NAMPT: variants seen among roughly 807,000 people sequenced by gnomAD.
The protein encoded by NAMPT is NAmPRTase.
In NAMPT, 7 loss-of-function variants were observed where a neutral mutation model predicts 58.7. That is an observed-to-expected ratio of 0.12 (90% CI 0.07 to 0.22). The LOEUF (loss-of-function observed/expected upper bound fraction) is 0.22. NAMPT is among the 10% of genes least tolerant of loss of function. The pLI is 1.00. For synonymous variants in NAMPT, 145 were observed against 198.1 expected (o/e 0.73, Z 2.25); for missense variants, 271 against 567.9 (o/e 0.48, Z 5.31).
chr7:106,268,365 C>T (rs766573145), intron 6 of NAMPT, 99 bp downstream of exon 6: 7 of 1,037,632 alleles, frequency 6.7e-6, no homozygotes, highest in Non-Finnish European at 9.9e-6. Context: ...TGAAGATGTA[C>T]TGTAGGTACC....
intron 6 of NAMPT, among the ~76,000 whole-genome samples, chr7:106,264,881 G>T (rs1160973417): frequency 6.6e-6 from 1 of 151,076 alleles, no homozygotes; most frequent in African/African-American, 2.4e-5. Context: ...ATGTGTGTGT[G>T]TGTTTTTTTT....
In NAMPT at chr7:106,254,226, G is replaced by C; in HGVS notation, c.1230+138C>G. ...ATATCTCCCTTCTTTCCTTGTTTCT[G>C]AGTTAAGGTCAGTAGTACCCAACAA... On this transcript the variant is annotated intron_variant, in intron 9 of 10. Coordinates refer to ENST00000222553, the MANE Select transcript of NAMPT (RefSeq NM_005746.3). The C allele has an allele frequency of 3.5e-6, 3 of 846,698 alleles. No individual in the cohort carries two copies. In the South Asian group the frequency reaches 5.7e-5, roughly 16 times the overall value. The allele number at this position is 846,698 out of a possible 1,614,324, so 52.4% of individuals were successfully genotyped here. A position where few individuals can be genotyped will look rare whatever the true frequency, so the allele number is the denominator to read the frequency against.
chr7:106,273,457 T>G (rs1389635528), intron 3 of NAMPT, among the ~76,000 whole-genome samples: 2 of 152,198 alleles, frequency 1.3e-5, no homozygotes, highest in Non-Finnish European at 2.9e-5. Context: ...ATACAAGCAC[T>G]GGAGGCACAG....
chr7:106,269,173 C>G lies in NAMPT; in HGVS notation c.587G>C (p.Arg196Thr). Residue 196 changes from arginine (R) to threonine (T), a missense_variant, in exon 5 of 11, where the codon AGA (arginine) becomes ACA (threonine). Physicochemically the swap from Arg to Thr is moderately conservative, Grantham distance 71 (BLOSUM62 -1). Around this residue, in one of 4 missense-constraint regions of NAMPT, gnomAD observed 2 missense variants for 26.2 expected, o/e 0.08. Transcript: ENST00000222553. ...ACTTACCTCTTGGGAAGAGACTCCT[C>G]TGTAGCCAAAATCATGTAACTTGTA... is the stretch of plus-strand genomic sequence containing the variant. ...LEYKLHDFGYRGVSSQETAGI... is the reference protein window; with the variant it reads ...LEYKLHDFGYTGVSSQETAGI... The G allele has an allele frequency of 6.2e-7, 1 of 1,611,528 alleles. No homozygotes were observed. The highest frequency in any genetic ancestry group is 8.5e-7 in the Non-Finnish European group (1 of 1,179,028).
chr7:106,285,140 C>T (rs979157128), upstream of NAMPT: 8 of 1,279,848 alleles, frequency 6.3e-6, no homozygotes, highest in African/African-American at 1.2e-4. Flanking sequence ...CTCGGTTCCC[C>T]CGCCTTCACC....
intron 8 of NAMPT, among the ~76,000 whole-genome samples, chr7:106,255,236 T>C (rs950922157): frequency 6.6e-6 from 1 of 152,192 alleles, no homozygotes; most frequent in East Asian, 1.9e-4. Context: ...CCAATGTCAT[T>C]TGTATTTCTT....
At chr7:106,281,663 C>A (rs1387194480) in intron 1 of NAMPT, among the ~76,000 whole-genome samples, 1 of 152,170 alleles carries the variant, frequency 6.6e-6, no homozygotes, top group Non-Finnish European at 1.5e-5. Context: ...TTTAAGATTT[C>A]TTAAACCCTG....
At chr7:106,264,791 A>G (rs1792378342) in intron 6 of NAMPT, among the ~76,000 whole-genome samples, 1 of 152,132 alleles carries the variant, frequency 6.6e-6, no homozygotes, top group East Asian at 1.9e-4. Context: ...TTCATTTATT[A>G]TAAAGCCCAA....
At chr7:106,267,568 G>A (rs1291081733) in intron 6 of NAMPT, among the ~76,000 whole-genome samples, 17 of 152,026 alleles carry the variant, frequency 1.1e-4, no homozygotes, top group African/African-American at 1.9e-4. Flanking sequence ...TACGCCGGGC[G>A]CGGTGGCTCA....
At chr7:106,261,380 G>A in intron 8 of NAMPT, 1 of 430,542 alleles carries the variant, frequency 2.3e-6, no homozygotes, top group Non-Finnish European at 4.2e-6. Context: ...GGTGGCCAAT[G>A]ACAACTGGAA....
chr7:106,271,964 A>G, intron 4 of NAMPT: 1 of 220,884 alleles, frequency 4.5e-6, no homozygotes, highest in Non-Finnish European at 1.0e-5. Flanking sequence ...TATACATACA[A>G]GAAAAACAAA....
intron 4 of NAMPT, 196 bp downstream of exon 4, chr7:106,272,334 A>G: frequency 2.2e-6 from 1 of 455,924 alleles, no homozygotes; most frequent in Non-Finnish European, 3.8e-6. Context: ...AAAATCTCAG[A>G]ACATTCTATT....
intron 3 of NAMPT, 49 bp downstream of exon 3, chr7:106,274,897 G>T: frequency 8.3e-7 from 1 of 1,210,456 alleles, no homozygotes; most frequent in Non-Finnish European, 1.2e-6. Flanking sequence ...AAGAAGTTTT[G>T]AACTGAAAGA....
At chr7:106,258,380 A>G (rs1482194791) in intron 8 of NAMPT, among the ~76,000 whole-genome samples, 1 of 152,208 alleles carries the variant, frequency 6.6e-6, no homozygotes, top group Non-Finnish European at 1.5e-5. Context: ...TTTCGAACAG[A>G]AAAAAACTTG....
chr7:106,270,778 A>C (rs1324942823), intron 4 of NAMPT, among the ~76,000 whole-genome samples: 1 of 152,246 alleles, frequency 6.6e-6, no homozygotes, highest in Non-Finnish European at 1.5e-5. Context: ...AAGGATGTCC[A>C]GCCCTGGCTG....
At chr7:106,252,605 C>A (rs1318574154) in intron 10 of NAMPT, among the ~76,000 whole-genome samples, 2 of 152,028 alleles carry the variant, frequency 1.3e-5, no homozygotes, top group African/African-American at 4.8e-5. Context: ...ACCATTAGAT[C>A]ATATGAACTA....
intron 8 of NAMPT, among the ~76,000 whole-genome samples, chr7:106,257,485 G>C (rs1322202867): frequency 6.8e-6 from 1 of 146,070 alleles, no homozygotes; most frequent in African/African-American, 2.6e-5. Context: ...AAAAAAAAGA[G>C]TCAGGTGTGG....
chr7:106,274,854 C>T, intron 3 of NAMPT, 92 bp downstream of exon 3: 5 of 847,546 alleles, frequency 5.9e-6, no homozygotes, highest in Non-Finnish European at 9.4e-6. Flanking sequence ...CACTTTCTCT[C>T]AAAAAACACA....
At chr7:106,262,110 T>C (rs775235662) in intron 7 of NAMPT, among the ~76,000 whole-genome samples, 2 of 152,094 alleles carry the variant, frequency 1.3e-5, no homozygotes, top group Non-Finnish European at 2.9e-5. Context: ...CCCAATGACT[T>C]TGGTTTTTGT....
Sources: gnomAD v4.1 joint callset for allele counts (sites outside exome capture counted in the v4.1 genomes callset) on GRCh38, gnomAD v4.1.1 for gene constraint, gnomAD v4.1.1 regional missense constraint, MANE v1.5 for transcripts, NCBI Gene and HGNC (gene_info 2026-07-23, HGNC 2026-07-21) for gene names.